The following BMP2K variants were observed in gnomAD, a reference collection of about 807,000 sequenced individuals.
BMP2K encodes BMP-2-inducible protein kinase.
BMP2K carries 74 observed loss-of-function variants against 116.0 expected under a neutral mutation model. The observed-to-expected ratio is 0.64, with a 90% CI of 0.53 to 0.77. The LOEUF (loss-of-function observed/expected upper bound fraction) is 0.77. BMP2K is among the 30% of genes least tolerant of loss of function. BMP2K has a pLI of 0.00. For missense variants in BMP2K, 1,365 were observed against 1,403.6 expected, an observed-to-expected ratio of 0.97 and a Z score of 0.44; for synonymous variants, 486 against 502.5, an observed-to-expected ratio of 0.97 and a Z score of 0.44.
At chr4:78,889,582 A>C (rs1733315293) in intron 15 of BMP2K, among the ~76,000 whole-genome samples, 1 of 152,216 alleles carries the variant, frequency 6.6e-6, no homozygotes. Flanking sequence ...GAACCTACTG[A>C]AACAAGAATT....
rs1052280454 is a variant in BMP2K, at chr4:78,776,510, C to T, written c.-34C>T. ...GCCGGGCCGGGGACTTGCCCTTGCA[C>T]GCTCCCTGCGCCCTCCAGCTCGCCG... On this transcript the variant is annotated 5_prime_UTR_variant, in exon 1 of 16. The change creates a new upstream start codon in the 5' untranslated region. Coordinates refer to ENST00000502613, the MANE Select transcript of BMP2K (RefSeq NM_198892.2). 2.7e-6 allele frequency: 3 copies of T among 1,130,524 alleles called. No individual in the cohort carries two copies. In the African/African-American group the frequency reaches 5.0e-5, roughly 19 times the overall value. The allele number at this position is 1,130,524 out of a possible 1,614,324, so 70.0% of individuals were successfully genotyped here.
chr4:78,901,247 G>T (rs1464757214), intron 15 of BMP2K, among the ~76,000 whole-genome samples: 6 of 149,864 alleles, frequency 4.0e-5, no homozygotes, highest in African/African-American at 1.5e-4. Context: ...TTTTTGTAGA[G>T]ACTAGGTCTT....
intron 7 of BMP2K, among the ~76,000 whole-genome samples, chr4:78,858,155 A>G (rs1230900933): frequency 6.6e-6 from 1 of 152,034 alleles, no homozygotes; most frequent in Non-Finnish European, 1.5e-5. Flanking sequence ...ACGTTTGTGA[A>G]TTAGGTAGGT....
chr4:78,896,192 A>C (rs901165609), intron 15 of BMP2K, among the ~76,000 whole-genome samples: 1 of 152,192 alleles, frequency 6.6e-6, no homozygotes, highest in Non-Finnish European at 1.5e-5. Context: ...TAATAATCCT[A>C]CTGTCACTGC....
intron 3 of BMP2K, among the ~76,000 whole-genome samples, chr4:78,840,997 G>T (rs188578017): frequency 2.0e-5 from 3 of 152,116 alleles, no homozygotes; most frequent in Admixed American, 2.0e-4. Flanking sequence ...AAAAGACAGG[G>T]AGTCTGCCAA....
chr4:78,834,256 C>T (rs1730349106), intron 3 of BMP2K, among the ~76,000 whole-genome samples: 1 of 149,198 alleles, frequency 6.7e-6, no homozygotes, highest in African/African-American at 2.6e-5. Flanking sequence ...AAATTCCTGA[C>T]ATTTAAATTT....
intron 1 of BMP2K, among the ~76,000 whole-genome samples, chr4:78,818,415 T>C (rs1321549445): frequency 6.6e-6 from 1 of 152,242 alleles, no homozygotes; most frequent in Non-Finnish European, 1.5e-5. Context: ...CCACATCCTC[T>C]CCAGCATCTG....
intron 15 of BMP2K, among the ~76,000 whole-genome samples, chr4:78,889,046 C>T (rs1257793177): frequency 6.6e-6 from 1 of 151,814 alleles, no homozygotes; most frequent in Admixed American, 6.6e-5. Context: ...ACGGTGAAAC[C>T]CCATCTCTAC....
intron 14 of BMP2K, among the ~76,000 whole-genome samples, chr4:78,883,883 G>A (rs1472460293): frequency 6.6e-6 from 1 of 152,102 alleles, no homozygotes; most frequent in Non-Finnish European, 1.5e-5. Flanking sequence ...GCAATATAGT[G>A]AGACCTTGTG....
intron 7 of BMP2K, among the ~76,000 whole-genome samples, chr4:78,857,710 T>C (rs1731569352): frequency 6.6e-6 from 1 of 152,136 alleles, no homozygotes; most frequent in Admixed American, 6.6e-5. Context: ...CTCACTGCTA[T>C]TCCTTAAGGA....
intron 7 of BMP2K, among the ~76,000 whole-genome samples, chr4:78,854,132 C>A (rs1577928613): frequency 6.9e-6 from 1 of 145,908 alleles, no homozygotes; most frequent in East Asian, 2.0e-4. Flanking sequence ...TTATTTTGTG[C>A]AGTAAGGTAA....
intron 7 of BMP2K, among the ~76,000 whole-genome samples, chr4:78,853,155 G>A (rs981935113): frequency 1.3e-5 from 2 of 152,042 alleles, no homozygotes; most frequent in Admixed American, 1.3e-4. Flanking sequence ...GATACACATC[G>A]TTTTCGTATT....
chr4:78,853,923 T>C (rs1282174114), intron 7 of BMP2K, among the ~76,000 whole-genome samples: 2 of 152,154 alleles, frequency 1.3e-5, no homozygotes, highest in Middle Eastern at 3.2e-3. Flanking sequence ...ACTTAATTTC[T>C]GATTTTCTGG....
At position 78,814,742 on chromosome 4, in the gene BMP2K, G is replaced by T. The variant is rs1201311530; in HGVS notation, c.179-11295G>T. 2.7e-4 allele frequency among the ~76,000 whole-genome samples: 41 copies of T among 151,824 alleles called. 1 individual carries two copies. Among genetic ancestry groups the T allele is most frequent in the Admixed American group, 2.7e-3 (41 of 15,246 alleles). ...GGGTATGTCTTTATTAGCAGTGTGAGAACAGACTAATACACTTGTCAAGGG... is the reference window on the plus strand; with the variant it reads ...GGGTATGTCTTTATTAGCAGTGTGATAACAGACTAATACACTTGTCAAGGG... On this transcript the variant is annotated intron_variant, in intron 1 of 15. Transcript: ENST00000502613.
Position 78,911,782 on chromosome 4 carries a change from C to A in BMP2K, c.3235C>A (p.Leu1079Met), listed in dbSNP as rs369782458. 9.4e-5 allele frequency: 152 copies of A among 1,613,876 alleles called. No homozygotes were observed. Among genetic ancestry groups the A allele is most frequent in the Non-Finnish European group, 1.2e-4 (147 of 1,179,884 alleles). Residue 1079 changes from leucine (L) to methionine (M), a missense_variant, in exon 16 of 16, where the codon CTG becomes ATG. By Grantham distance (15) the Leu-to-Met change is conservative. Coordinates refer to ENST00000502613, the MANE Select transcript of BMP2K (RefSeq NM_198892.2). ...TGCCAAGCCCTTCCATTCTCCAGAC[C>A]TGTCATGGCACCCTCCACATCAGGG... Reference protein sequence around the residue: ...FGAKPFHSPDLSWHPPHQGLS... With the variant: ...FGAKPFHSPDMSWHPPHQGLS...
chr4:78,821,660 CTGACTT>C (rs1223960907), intron 1 of BMP2K, among the ~76,000 whole-genome samples: 2 of 152,144 alleles, frequency 1.3e-5, no homozygotes, highest in Non-Finnish European at 2.9e-5. Flanking sequence ...AGAGGTCTGA[CTGACTT>C]TAAGTCAGTT....
At chr4:78,876,975 A>G (rs1423922666) in intron 13 of BMP2K, among the ~76,000 whole-genome samples, 2 of 152,236 alleles carry the variant, frequency 1.3e-5, no homozygotes, top group Non-Finnish European at 2.9e-5. Flanking sequence ...ACTATAGACA[A>G]TTGTAACAGA....
intron 7 of BMP2K, among the ~76,000 whole-genome samples, chr4:78,852,827 C>T (rs193275764): frequency 1.7e-4 from 26 of 152,242 alleles, no homozygotes; most frequent in Admixed American, 6.5e-4. Flanking sequence ...TGGTCTCAAA[C>T]TCCTGGCCTC....
intron 13 of BMP2K, among the ~76,000 whole-genome samples, chr4:78,878,467 T>C (rs1732738636): frequency 6.6e-6 from 1 of 152,170 alleles, no homozygotes; most frequent in Non-Finnish European, 1.5e-5. Flanking sequence ...ACAGATGAAG[T>C]TGAGGCAGAG....
Sources: gnomAD v4.1 joint callset for allele counts (sites outside exome capture counted in the v4.1 genomes callset) on GRCh38, gnomAD v4.1.1 for gene constraint, MANE v1.5 for transcripts, NCBI Gene and HGNC (gene_info 2026-07-23, HGNC 2026-07-21) for gene names.